ROBO1: variants seen among roughly 807,000 people sequenced by gnomAD.
ROBO1 encodes roundabout guidance receptor 1, also known as roundabout homolog 1.
A neutral mutation model predicts 195.9 loss-of-function variants in ROBO1; 149 were observed. The ratio of observed to expected loss-of-function variants is 0.76; its 90% CI spans 0.67 to 0.87. ROBO1 has a LOEUF of 0.87. Ranked by LOEUF, ROBO1 falls within the 40% of genes least tolerant of loss-of-function variation. The pLI, the probability that ROBO1 is intolerant of heterozygous loss-of-function variation, is 0.00. For missense variants in ROBO1, 1,933 were observed against 2,068.3 expected, an observed-to-expected ratio of 0.93 and a Z score of 1.27; for synonymous variants, 816 against 733.2, an observed-to-expected ratio of 1.11 and a Z score of -1.82.
chr3:79,097,760 A>C (rs1266801605), intron 3 of ROBO1, among the ~76,000 whole-genome samples: 1 of 151,718 alleles, frequency 6.6e-6, no homozygotes, highest in Non-Finnish European at 1.5e-5. Context: ...CATTTTAAGA[A>C]ATTTTCTTTC....
intron 4 of ROBO1, among the ~76,000 whole-genome samples, chr3:78,747,341 T>A (rs979686271): frequency 6.6e-6 from 1 of 152,038 alleles, no homozygotes; most frequent in African/African-American, 2.4e-5. Context: ...AAGAAAAAAA[T>A]AAGATACTTC....
intron 2 of ROBO1, among the ~76,000 whole-genome samples, chr3:79,502,243 G>GGGGAGGTGTGGA (rs1274237537): frequency 1.3e-5 from 2 of 152,052 alleles, no homozygotes; most frequent in Admixed American, 6.5e-5. Context: ...CTCAGCTTGC[G>GGGGAGGTGTGGA]GGGAGGTGTG....
chr3:78,833,633 G>C (rs2032434150), intron 4 of ROBO1, among the ~76,000 whole-genome samples: 1 of 152,114 alleles, frequency 6.6e-6, no homozygotes, highest in African/African-American at 2.4e-5. Context: ...TCTTAGGATT[G>C]TTGTGTGGAA....
chr3:79,530,755 C>CCACACACACA lies in ROBO1; in HGVS notation c.88+59059_88+59068dup, dbSNP rs59568172. ...TATTTAATTCACCCACACCTTGTAA[C>CCACACACACA]CACACACACACACACACACACACAC... On this transcript the variant is annotated intron_variant, in intron 2 of 30. Coordinates refer to ENST00000464233, the MANE Select transcript of ROBO1 (RefSeq NM_002941.4). 2.4e-3 allele frequency among the ~76,000 whole-genome samples: 312 copies of CCACACACACA among 128,244 alleles called. 2 individuals carry two copies. Among genetic ancestry groups the CCACACACACA allele is most frequent in the Admixed American group, 8.5e-3 (105 of 12,378 alleles). The allele number at this position is 128,244 out of a possible 152,430, so 84.1% of individuals were successfully genotyped here.
chr3:79,685,933 A>T (rs1330590635), intron 1 of ROBO1, among the ~76,000 whole-genome samples: 3 of 152,214 alleles, frequency 2.0e-5, no homozygotes, highest in African/African-American at 7.2e-5. Context: ...AGAGAATTTT[A>T]GACCAATATC....
At chr3:78,824,545 T>A (rs1047707631) in intron 4 of ROBO1, among the ~76,000 whole-genome samples, 1 of 152,186 alleles carries the variant, frequency 6.6e-6, no homozygotes, top group African/African-American at 2.4e-5. Context: ...CAGTTTATAA[T>A]GATGTACATC....
chr3:79,638,292 T>C (rs1945555118), intron 1 of ROBO1, among the ~76,000 whole-genome samples: 1 of 152,262 alleles, frequency 6.6e-6, no homozygotes, highest in Non-Finnish European at 1.5e-5. Context: ...CAGCCTGATT[T>C]TCCCTACAGT....
chr3:79,454,131 C>CT (rs11370962), intron 2 of ROBO1, among the ~76,000 whole-genome samples: 54,829 of 141,786 alleles, frequency 0.39, 11,872 homozygotes, highest in East Asian at 0.59. Flanking sequence ...AATTTCATTC[C>CT]TTTTTTTTTT....
intron 30 of ROBO1, 175 bp downstream of exon 30, chr3:78,599,938 C>CATTTCA: frequency 9.1e-6 from 6 of 660,178 alleles, no homozygotes; most frequent in Non-Finnish European, 1.6e-5. Context: ...AACTTTGGGA[C>CATTTCA]ACATTTCAAG....
chr3:79,429,225 C>T (rs767305549), intron 2 of ROBO1, among the ~76,000 whole-genome samples: 1 of 152,162 alleles, frequency 6.6e-6, no homozygotes, highest in Non-Finnish European at 1.5e-5. Flanking sequence ...CATACATACA[C>T]TCCTTTGAAC....
At chr3:79,232,901 C>G (rs11925199) in intron 2 of ROBO1, among the ~76,000 whole-genome samples, 12,986 of 151,996 alleles carry the variant, frequency 0.085, 1,131 homozygotes, top group African/African-American at 0.23. Context: ...GTGACACAAA[C>G]AGGGATAGAC....
At chr3:79,657,384 C>T (rs537573817) in intron 1 of ROBO1, among the ~76,000 whole-genome samples, 110 of 152,124 alleles carry the variant, frequency 7.2e-4, no homozygotes, top group African/African-American at 2.6e-3. Flanking sequence ...ATCAGAAGGC[C>T]TATCCTCTTG....
chr3:79,043,390 C>A (rs2078524400), intron 3 of ROBO1, among the ~76,000 whole-genome samples: 1 of 151,910 alleles, frequency 6.6e-6, no homozygotes, highest in Non-Finnish European at 1.5e-5. Flanking sequence ...TAAAAAAATT[C>A]TCTTTGGAAA....
intron 4 of ROBO1, among the ~76,000 whole-genome samples, chr3:78,757,850 A>AATC (rs1363271987): frequency 1.3e-5 from 2 of 152,184 alleles, no homozygotes; most frequent in Non-Finnish European, 2.9e-5. Context: ...GTCTGCCCTA[A>AATC]ATCACTTTTA....
At chr3:79,439,377 T>C (rs1367236741) in intron 2 of ROBO1, among the ~76,000 whole-genome samples, 2 of 152,102 alleles carry the variant, frequency 1.3e-5, no homozygotes, top group Non-Finnish European at 2.9e-5. Flanking sequence ...AGTTTTGGCA[T>C]AAAATTTACA....
chr3:79,111,611 C>G (rs1576686417), intron 3 of ROBO1, among the ~76,000 whole-genome samples: 1 of 152,102 alleles, frequency 6.6e-6, no homozygotes, highest in East Asian at 1.9e-4. Flanking sequence ...AACTATTCAA[C>G]CCAGGGAGAG....
At chr3:79,466,159 T>C (rs1937946359) in intron 2 of ROBO1, among the ~76,000 whole-genome samples, 1 of 152,144 alleles carries the variant, frequency 6.6e-6, no homozygotes, top group Non-Finnish European at 1.5e-5. Flanking sequence ...TGAATGTATA[T>C]TTGACAAAAT....
intron 2 of ROBO1, among the ~76,000 whole-genome samples, chr3:79,405,675 A>T (rs2106813781): frequency 6.6e-6 from 1 of 152,354 alleles, no homozygotes; most frequent in Non-Finnish European, 1.5e-5. Context: ...GATGAGAAAT[A>T]ATAAAGACAA....
At chr3:79,126,631 G>T (rs2080220317) in intron 2 of ROBO1, among the ~76,000 whole-genome samples, 1 of 152,200 alleles carries the variant, frequency 6.6e-6, no homozygotes, top group Admixed American at 6.5e-5. Flanking sequence ...CTGATGTTCT[G>T]CGGGCTTTCA....
Sources: gnomAD v4.1 joint callset for allele counts (sites outside exome capture counted in the v4.1 genomes callset) on GRCh38, gnomAD v4.1.1 for gene constraint, MANE v1.5 for transcripts, NCBI Gene and HGNC (gene_info 2026-07-23, HGNC 2026-07-21) for gene names.